PCDH15: variants seen among roughly 807,000 people sequenced by gnomAD.
The protein encoded by PCDH15 is protocadherin related 15.
In PCDH15, 129 loss-of-function variants were observed where a neutral mutation model predicts 178.5. The ratio of observed to expected loss-of-function variants is 0.72; its 90% CI spans 0.63 to 0.84. The LOEUF is 0.84. Ranked by LOEUF, PCDH15 falls within the 40% of genes least tolerant of loss-of-function variation. The pLI is 0.00. For missense variants in PCDH15, 2,230 were observed against 2,099.9 expected, an observed-to-expected ratio of 1.06 and a Z score of -1.21; for synonymous variants, 800 against 732.0, an observed-to-expected ratio of 1.09 and a Z score of -1.50.
intron 3 of PCDH15, among the ~76,000 whole-genome samples, chr10:54,394,395 G>T (rs1950936332): frequency 6.6e-6 from 1 of 152,018 alleles, no homozygotes. Flanking sequence ...TTTTAAACCT[G>T]GGCGTCCAGG....
chr10:54,130,531 C>T (rs73239985), intron 15 of PCDH15, among the ~76,000 whole-genome samples: 2,375 of 152,124 alleles, frequency 0.016, 75 homozygotes, highest in African/African-American at 0.055. Flanking sequence ...TCAATACAGC[C>T]GTCAGGCAAA....
chr10:55,232,359 T>G (rs117758143), intron 1 of PCDH15, among the ~76,000 whole-genome samples: 9,343 of 152,126 alleles, frequency 0.061, 359 homozygotes, highest in Non-Finnish European at 0.09. Flanking sequence ...AAATATGAAA[T>G]AATAATTTTG....
rs541080204 is a variant in PCDH15 at position 55,339,098 on chromosome 10, A to G, written c.-155-172447T>C. On this transcript the variant is annotated intron_variant, in intron 2 of 5. Transcript: ENST00000613346. ...GTAGCACAATAATGTGATCATAGTT[A>G]ACAAGAATCTATTATGTATTTTAAA... Among the ~76,000 whole-genome samples the G allele has an allele frequency of 9.9e-5, 15 of 152,276 alleles. No individual in the cohort carries two copies. In the East Asian group the frequency reaches 2.9e-3, roughly 29 times the overall value.
At chr10:54,644,578 T>C (rs1212923977) in intron 2 of PCDH15, among the ~76,000 whole-genome samples, 1 of 152,074 alleles carries the variant, frequency 6.6e-6, no homozygotes, top group Admixed American at 6.6e-5. Flanking sequence ...AAGCTTCCAG[T>C]TACTTGTCTT....
intron 2 of PCDH15, among the ~76,000 whole-genome samples, chr10:54,589,902 T>C (rs2091768922): frequency 6.6e-6 from 1 of 152,136 alleles, no homozygotes; most frequent in African/African-American, 2.4e-5. Context: ...GGCCCGTTCA[T>C]TACGTAAGAA....
intron 2 of PCDH15, among the ~76,000 whole-genome samples, chr10:55,031,909 G>T (rs1768745865): frequency 6.6e-6 from 1 of 152,074 alleles, no homozygotes; most frequent in African/African-American, 2.4e-5. Flanking sequence ...ACACACAAAT[G>T]AACTAAGACA....
At chr10:55,463,899 GAGAA>G (rs71014491) in intron 2 of PCDH15, among the ~76,000 whole-genome samples, 1,781 of 47,096 alleles carry the variant, frequency 0.038, 136 homozygotes, top group Middle Eastern at 0.12. Flanking sequence ...GGGAGAGAGA[GAGAA>G]AGAAAGAAAG....
At chr10:55,322,573 C>A (rs1413584785), upstream of PCDH15, among the ~76,000 whole-genome samples, 3 of 152,168 alleles carry the variant, frequency 2.0e-5, no homozygotes, top group Non-Finnish European at 4.4e-5. Flanking sequence ...TAATAAAGTC[C>A]AGGCTGAGGT....
At position 54,287,503 on chromosome 10, in the gene PCDH15, G is replaced by T. The variant is rs139841319; in HGVS notation, c.876+29768C>A. On this transcript the variant is annotated intron_variant, in intron 8 of 37. Coordinates refer to ENST00000644397, the MANE Select transcript of PCDH15 (RefSeq NM_001384140.1). ...ACTTTGGTGGGCCAGGAGTCCTGCC[G>T]AGAAGAATATTGATGTCTCTCTCAT... Among the ~76,000 whole-genome samples, 629 of 152,158 alleles carry T rather than the reference G, an allele frequency of 4.1e-3. 8 individuals carry two copies. Among genetic ancestry groups the T allele is most frequent in the African/African-American group, 0.012 (516 of 41,512 alleles).
At chr10:55,072,771 C>G (rs1328658187) in intron 2 of PCDH15, among the ~76,000 whole-genome samples, 2 of 151,792 alleles carry the variant, frequency 1.3e-5, no homozygotes, top group Non-Finnish European at 2.9e-5. Context: ...ATCCTGATAC[C>G]AAAGCCGGGC....
At chr10:54,929,823 T>C (rs1442430251) in intron 2 of PCDH15, among the ~76,000 whole-genome samples, 1 of 152,226 alleles carries the variant, frequency 6.6e-6, no homozygotes, top group East Asian at 1.9e-4. Context: ...TCAACAGTTT[T>C]ACTTTCTAAC....
chr10:54,779,464 G>GTATATATACACACATATATGTGTGTA (rs1950087418), intron 1 of PCDH15, among the ~76,000 whole-genome samples: 2 of 94,646 alleles, frequency 2.1e-5, no homozygotes, highest in East Asian at 3.0e-4. Flanking sequence ...ATATATGTGT[G>GTATATATACACACATATATGTGTGTA]TATATATATA....
chr10:55,469,187 A>C (rs527799616), intron 2 of PCDH15: 39 of 152,268 alleles, frequency 2.6e-4, no homozygotes, highest in African/African-American at 8.2e-4. Flanking sequence ...ATGATACAAT[A>C]GAGAAAAGGA....
At chr10:54,655,617 A>G (rs1361086989) in intron 2 of PCDH15, 2 of 152,132 alleles carry the variant, frequency 1.3e-5, no homozygotes, top group African/African-American at 2.4e-5. Flanking sequence ...CGGAGAAGCT[A>G]TTGAAGTAAT....
intron 27 of PCDH15, among the ~76,000 whole-genome samples, chr10:53,859,944 G>T (rs144357889): frequency 6.6e-6 from 1 of 152,148 alleles, no homozygotes; most frequent in African/African-American, 2.4e-5. Flanking sequence ...TCCTGCTCCC[G>T]GGATGGGGAT....
chr10:55,241,355 C>T (rs1056414740), intron 1 of PCDH15, among the ~76,000 whole-genome samples: 1 of 152,134 alleles, frequency 6.6e-6, no homozygotes, highest in South Asian at 2.1e-4. Context: ...GAGCATTTAT[C>T]ACCATTAAAA....
In PCDH15 at chr10:55,343,781, G is replaced by A. The variant is rs181166991; in HGVS notation, c.-155-177130C>T. 8.6e-4 allele frequency among the ~76,000 whole-genome samples: 131 copies of A among 152,172 alleles called. 1 individual carries two copies. The highest frequency in any genetic ancestry group is 3.0e-3 in the African/African-American group (123 of 41,528). On this transcript the variant is annotated intron_variant, in intron 2 of 5. Transcript: ENST00000613346. ...AACTTTTATTAACTTATTCAAACAA[G>A]GAAACAAATAACTATTGAACACATA...
At chr10:54,085,726 T>C (rs1298726253) in intron 16 of PCDH15, among the ~76,000 whole-genome samples, 3 of 152,174 alleles carry the variant, frequency 2.0e-5, no homozygotes, top group African/African-American at 7.2e-5. Flanking sequence ...GCTGTGTGAC[T>C]AAGCCAATTT....
intron 3 of PCDH15, among the ~76,000 whole-genome samples, chr10:54,399,368 T>C (rs16906069): frequency 0.056 from 8,517 of 151,910 alleles, 275 homozygotes; most frequent in Admixed American, 0.098. Flanking sequence ...AGGAAAGCAA[T>C]ATTACAGTGT....
Sources: gnomAD v4.1 joint callset for allele counts (sites outside exome capture counted in the v4.1 genomes callset) on GRCh38, gnomAD v4.1.1 for gene constraint, MANE v1.5 for transcripts, NCBI Gene and HGNC (gene_info 2026-07-23, HGNC 2026-07-21) for gene names.